The following TMEM168 variants were observed in gnomAD, a reference collection of about 807,000 sequenced individuals.
TMEM168 encodes the protein transmembrane protein 168.
Under a neutral mutation model 53.2 loss-of-function variants are expected in TMEM168, and 40 were observed. The ratio of observed to expected loss-of-function variants is 0.75; its 90% CI spans 0.58 to 0.98. The LOEUF (loss-of-function observed/expected upper bound fraction) is 0.98, where lower values mean the gene tolerates loss of function less well. TMEM168 is among the 50% of genes least tolerant of loss of function. The pLI is 0.00. For synonymous variants in TMEM168, 282 were observed against 293.0 expected (o/e 0.96, Z 0.38); for missense variants, 771 against 828.8 (o/e 0.93, Z 0.86).
Position 112,767,137 on chromosome 7 carries a change from G to T in TMEM168, c.*60C>A. ...AATAAAAATACAGCATACAAAAAATGGCAAGTTAGTGATAATTGGTAGTAT... is the reference window on the plus strand; with the variant it reads ...AATAAAAATACAGCATACAAAAAATTGCAAGTTAGTGATAATTGGTAGTAT... On this transcript the variant is annotated 3_prime_UTR_variant, in exon 5 of 5. Transcript: ENST00000312814. 1.3e-6 allele frequency: 2 copies of T among 1,487,172 alleles called. No individual in the cohort carries two copies. The highest frequency in any genetic ancestry group is 1.3e-5 in the South Asian group (1 of 74,562). The allele number at this position is 1,487,172 out of a possible 1,614,324, so 92.1% of individuals were successfully genotyped here. A position where few individuals can be genotyped will look rare whatever the true frequency, so the allele number is the denominator to read the frequency against.
intron 2 of TMEM168, among the ~76,000 whole-genome samples, chr7:112,782,366 AT>A: frequency 6.6e-6 from 1 of 152,288 alleles, no homozygotes; most frequent in African/African-American, 2.4e-5. Flanking sequence ...GAAAATATTC[AT>A]ATTTGGTTAA....
chr7:112,789,613 T>G (rs1485567516), intron 1 of TMEM168, among the ~76,000 whole-genome samples: 2 of 152,174 alleles, frequency 1.3e-5, no homozygotes, highest in Admixed American at 6.5e-5. Flanking sequence ...ACCAATTCTC[T>G]CTCCATGTCC....
intron 2 of TMEM168, among the ~76,000 whole-genome samples, chr7:112,777,803 A>T (rs1359271716): frequency 1.3e-5 from 2 of 151,444 alleles, no homozygotes; most frequent in Non-Finnish European, 2.9e-5. Context: ...GCAACTTAGC[A>T]TGATGGTTTT....
At chr7:112,772,657 TAG>T (rs1347237599) in intron 4 of TMEM168, 122 bp downstream of exon 4, 8 of 1,108,128 alleles carry the variant, frequency 7.2e-6, no homozygotes, top group Admixed American at 5.1e-5. Flanking sequence ...AAAAACAAAT[TAG>T]AGTCATATGC....
In TMEM168 at chr7:112,767,815, T is replaced by C. The variant is rs533257331; in HGVS notation, c.1547-71A>G. The C allele has an allele frequency of 2.0e-5, 28 of 1,380,782 alleles. No individual in the cohort carries two copies. The African/African-American group carries it at 3.8e-4, about 19-fold the overall frequency. 85.5% of individuals were successfully genotyped at this position (1,380,782 alleles called of 1,614,324 possible). A position where few individuals can be genotyped will look rare whatever the true frequency, so the allele number is the denominator to read the frequency against. On this transcript the variant is annotated intron_variant, in intron 4 of 4. Coordinates refer to ENST00000312814, the MANE Select transcript of TMEM168 (RefSeq NM_022484.6). ...CTCATTAAGAAAACCCTCTTAATCA[T>C]TTTCTTCTAGAGAGAAAATACTCTT...
chr7:112,775,215 G>T lies in TMEM168; in HGVS notation c.1232C>A (p.Ser411Tyr). ...GGGAATCACAATAGCATATCCAACA[G>T]ATGTTCCTCCTAAACAGTTACCCAA... The part of the protein sequence containing the change: ...HELGNCLGGT[S>Y]VGYAIVIPTN... Residue 411 changes from serine to tyrosine, a missense_variant, in exon 3 of 5, where the codon TCT (serine) becomes TAT (tyrosine). Transcript: ENST00000312814. The T allele has an allele frequency of 2.5e-6, 4 of 1,613,468 alleles. No homozygotes were observed. The highest frequency in any genetic ancestry group is 3.4e-6 in the Non-Finnish European group (4 of 1,179,756).
chr7:112,773,088 T>C (rs2116243763), intron 3 of TMEM168, 33 bp from the exon 4 acceptor site: 1 of 1,551,974 alleles, frequency 6.4e-7, no homozygotes, highest in African/African-American at 1.4e-5. Flanking sequence ...AAGTACTCAT[T>C]CTATATCACA....
In TMEM168 at chr7:112,765,295, A is replaced by C. The variant is rs185423551; in HGVS notation, c.*1902T>G. The C allele has an allele frequency of 6.6e-6, 1 of 152,328 alleles. No homozygotes were observed. The highest frequency in any genetic ancestry group is 1.9e-4 in the East Asian group (1 of 5,188). 9.4% of individuals were successfully genotyped at this position (152,328 alleles called of 1,614,324 possible). A position where few individuals can be genotyped will look rare whatever the true frequency, so the allele number is the denominator to read the frequency against. On this transcript the variant is annotated 3_prime_UTR_variant, in exon 5 of 5. Transcript: ENST00000312814. ...ATTTTTGGTTTTACTTTCACAGGAA[A>C]TACATATGAAAAAGTTAGGTTTGTG...
At chr7:112,786,989 CTCTA>C (rs1226515703) in intron 1 of TMEM168, among the ~76,000 whole-genome samples, 2 of 152,206 alleles carry the variant, frequency 1.3e-5, no homozygotes, top group East Asian at 1.9e-4. Flanking sequence ...GCAGTTGCTT[CTCTA>C]TCTAAGGCTA....
chr7:112,770,608 ATG>A (rs60517211), intron 4 of TMEM168, among the ~76,000 whole-genome samples: 4 of 149,322 alleles, frequency 2.7e-5, no homozygotes, highest in Non-Finnish European at 3.0e-5. Context: ...AGATATATAT[ATG>A]TGTGTGTGTG....
chr7:112,778,075 C>T (rs1793137769), intron 2 of TMEM168: 1 of 152,204 alleles, frequency 6.6e-6, no homozygotes, highest in Admixed American at 6.5e-5. Flanking sequence ...TACGAGTCTA[C>T]ATATCTTAAT....
chr7:112,764,074 T>C lies in TMEM168; in HGVS notation c.*3123A>G, dbSNP rs944515503. ...AGAAAGAACTTGGCTCCTTATTTAT[T>C]TTGCAACAGTGTGTATGCTATTTGC... On this transcript the variant is annotated 3_prime_UTR_variant, in exon 5 of 5. Coordinates refer to ENST00000312814, the MANE Select transcript of TMEM168 (RefSeq NM_022484.6). The C allele has an allele frequency of 5.9e-5, 9 of 151,908 alleles. No homozygotes were observed. Among genetic ancestry groups the C allele is most frequent in the Non-Finnish European group, 1.2e-4 (8 of 67,946 alleles). 9.4% of individuals were successfully genotyped at this position (151,908 alleles called of 1,614,324 possible). A position where few individuals can be genotyped will look rare whatever the true frequency, so the allele number is the denominator to read the frequency against.
chr7:112,775,240 A>G lies in TMEM168; in HGVS notation c.1207T>C (p.Leu403=). ...GATGTTCCTCCTAAACAGTTACCCA[A>G]TTCATGGAAGAGCCCATGAGCCATG... The part of the protein sequence containing the change: ...ESMAHGLFHE[L]GNCLGGTSVG... Residue 403 remains leucine (L), a synonymous_variant, in exon 3 of 5, where the codon TTG becomes CTG. Transcript: ENST00000312814. 1 of 1,613,888 alleles carries G rather than the reference A, an allele frequency of 6.2e-7. No homozygotes were observed. Among genetic ancestry groups the G allele is most frequent in the South Asian group, 1.1e-5 (1 of 91,064 alleles).
In TMEM168 at chr7:112,763,250, T is replaced by C. The variant is rs552453201; in HGVS notation, c.*3947A>G. On this transcript the variant is annotated 3_prime_UTR_variant, in exon 5 of 5. Coordinates refer to ENST00000312814, the MANE Select transcript of TMEM168 (RefSeq NM_022484.6). ...TTAACTACAAATTTGAGATTTGCTT[T>C]CTTTTTATGGATTCTGTAAGTTTTT... The C allele has an allele frequency of 3.6e-4, 55 of 152,274 alleles. No individual in the cohort carries two copies. The South Asian group carries it at 0.011, about 30-fold the overall frequency. 9.4% of individuals were successfully genotyped at this position (152,274 alleles called of 1,614,324 possible). A position where few individuals can be genotyped will look rare whatever the true frequency, so the allele number is the denominator to read the frequency against.
chr7:112,789,160 C>T (rs1793474265), intron 1 of TMEM168, among the ~76,000 whole-genome samples: 1 of 152,158 alleles, frequency 6.6e-6, no homozygotes, highest in Admixed American at 6.5e-5. Flanking sequence ...CCTGGCCCCA[C>T]CCCAGTGCTC....
Position 112,767,561 on chromosome 7 carries a change from A to G in TMEM168, c.1730T>C (p.Ile577Thr), listed in dbSNP as rs143301490. The change falls in exon 5 of 5, where the codon ATT (isoleucine) becomes ACT (threonine). Residue 577 changes from isoleucine (I) to threonine (T), a missense_variant. Transcript: ENST00000312814. ...QGAELIKTVDIEEADPPQLGD... is the reference protein window; with the variant it reads ...QGAELIKTVDTEEADPPQLGD... ...TAGCTGTGGCGGGTCAGCTTCTTCAATATCTACTGTTTTTATCAACTCTGC... is the reference window on the plus strand; with the variant it reads ...TAGCTGTGGCGGGTCAGCTTCTTCAGTATCTACTGTTTTTATCAACTCTGC... The G allele has an allele frequency of 1.3e-4, 212 of 1,614,148 alleles. No homozygotes were observed. The Middle Eastern group carries it at 3.6e-3, about 28-fold the overall frequency.
In TMEM168 at chr7:112,767,107, C is replaced by T. The variant is rs1792799297; in HGVS notation, c.*90G>A. 10 of 1,297,980 alleles carry T rather than the reference C, an allele frequency of 7.7e-6. No homozygotes were observed. The highest frequency in any genetic ancestry group is 1.1e-5 in the Non-Finnish European group (10 of 949,228). The allele number at this position is 1,297,980 out of a possible 1,614,324, so 80.4% of individuals were successfully genotyped here. A position where few individuals can be genotyped will look rare whatever the true frequency, so the allele number is the denominator to read the frequency against. ...AGCTACAGAAGTAGCAAGGTATTTTCCACAAATAAAAATACAGCATACAAA... is the reference window on the plus strand; with the variant it reads ...AGCTACAGAAGTAGCAAGGTATTTTTCACAAATAAAAATACAGCATACAAA... On this transcript the variant is annotated 3_prime_UTR_variant, in exon 5 of 5. Transcript: ENST00000312814.
Position 112,765,856 on chromosome 7 carries a change from A to AACTT in TMEM168, c.*1337_*1340dup, listed in dbSNP as rs142898256. On this transcript the variant is annotated 3_prime_UTR_variant, in exon 5 of 5. Transcript: ENST00000312814. ...AGTTCCCTGACTCTAACTTCTTCCT[A>AACTT]ACTTAAAAGTTCAATTTTCAAGTCA... The AACTT allele has an allele frequency of 0.02, 3,119 of 152,688 alleles. 46 individuals carry two copies. Among genetic ancestry groups the AACTT allele is most frequent in the Non-Finnish European group, 0.025 (1,706 of 67,998 alleles). The allele number at this position is 152,688 out of a possible 1,614,324, so 9.5% of individuals were successfully genotyped here. A position where few individuals can be genotyped will look rare whatever the true frequency, so the allele number is the denominator to read the frequency against.
Position 112,767,336 on chromosome 7 carries a change from T to A in TMEM168, c.1955A>T (p.His652Leu). ...CAGACCGCATAACCAATTTGCCAAA[T>A]GCACTAGGGGATATGTAATACGAGG... ...HFPRITYPLV[H>L]LANWLCGLNL... Residue 652 changes from histidine to leucine, a missense_variant, in exon 5 of 5, where the codon CAT becomes CTT. His to Leu is a moderately conservative substitution (Grantham distance 99, BLOSUM62 -3). Coordinates refer to ENST00000312814, the MANE Select transcript of TMEM168 (RefSeq NM_022484.6). The A allele has an allele frequency of 3.1e-6, 5 of 1,614,184 alleles. No individual in the cohort carries two copies. The highest frequency in any genetic ancestry group is 1.3e-5 in the African/African-American group (1 of 75,074).
Sources: gnomAD v4.1 joint callset for allele counts (sites outside exome capture counted in the v4.1 genomes callset) on GRCh38, gnomAD v4.1.1 for gene constraint, MANE v1.5 for transcripts, NCBI Gene and HGNC (gene_info 2026-07-23, HGNC 2026-07-21) for gene names.